The following ZNF718 variants were observed in gnomAD, a reference collection of about 807,000 sequenced individuals.
The protein encoded by ZNF718 is zinc finger protein 718.
ZNF718 carries 3 observed loss-of-function variants against 2.6 expected under a neutral mutation model. That is an observed-to-expected ratio of 1.16 (90% CI 0.53 to 3.01). The LOEUF is 3.01. Ranked by LOEUF, ZNF718 falls within the 30% of genes most tolerant of loss-of-function variation. ZNF718 has a pLI of 0.03. For synonymous variants in ZNF718, 135 were observed against 77.9 expected, an observed-to-expected ratio of 1.73 and a Z score of -3.86; for missense variants, 468 against 230.0, an observed-to-expected ratio of 2.03 and a Z score of -6.69.
chr4:172,918 A>G (rs1553818360), intron 3 of ZNF718, among the ~76,000 whole-genome samples: 3 of 152,014 alleles, frequency 2.0e-5, no homozygotes, highest in Non-Finnish European at 1.5e-5. Context: ...GGTGGGGTGC[A>G]CCTGTAGTCC....
At chr4:159,860 A>G (rs1716747454) in intron 3 of ZNF718, among the ~76,000 whole-genome samples, 1 of 152,210 alleles carries the variant, frequency 6.6e-6, no homozygotes, top group Non-Finnish European at 1.5e-5. Flanking sequence ...TTATTTGAAC[A>G]TGAACTAAAA....
chr4:134,856 C>G (rs1715488886), intron 3 of ZNF718, among the ~76,000 whole-genome samples: 1 of 152,050 alleles, frequency 6.6e-6, no homozygotes, highest in African/African-American at 2.4e-5. Flanking sequence ...GAGGCCAAGG[C>G]TGATAGATCA....
intron 3 of ZNF718, 125 bp from the exon 4 acceptor site, chr4:160,787 A>G: frequency 1.6e-6 from 1 of 619,220 alleles, no homozygotes; most frequent in Non-Finnish European, 2.9e-6. Context: ...TCCTTACCTC[A>G]TTATTTGCCC....
chr4:133,195 A>AATATAT (rs1164522262), intron 3 of ZNF718, among the ~76,000 whole-genome samples: 19 of 20,768 alleles, frequency 9.1e-4, no homozygotes, highest in South Asian at 2.1e-3. Flanking sequence ...AAAAAAAAAA[A>AATATAT]ATATATATAT....
chr4:168,488 T>G (rs1345134856), downstream of ZNF718, among the ~76,000 whole-genome samples: 2 of 152,134 alleles, frequency 1.3e-5, no homozygotes, highest in Admixed American at 6.5e-5. Context: ...TGCTGGACTT[T>G]TTTTTGGTTG....
intron 3 of ZNF718, among the ~76,000 whole-genome samples, chr4:179,184 A>C (rs370638320): frequency 5.3e-5 from 8 of 152,176 alleles, no homozygotes; most frequent in African/African-American, 1.7e-4. Context: ...CTAGTAAAAA[A>C]TTATTTGATA....
rs190289412 is a variant in ZNF718, at chr4:187,204, G to C, written c.227-13877G>C. Among the ~76,000 whole-genome samples the C allele has an allele frequency of 1.5e-3, 230 of 151,662 alleles. 1 individual carries two copies. In the Middle Eastern group the frequency reaches 0.02, roughly 13 times the overall value. On this transcript the variant is annotated intron_variant and NMD_transcript_variant, in intron 3 of 4. Transcript: ENST00000642529. ...CCAGGCTTGGTTTTTTTGTTTTTTTGTTTTTTGGGGTTTTTTTTGTTTTTG... is the reference window on the plus strand; with the variant it reads ...CCAGGCTTGGTTTTTTTGTTTTTTTCTTTTTTGGGGTTTTTTTTGTTTTTG...
At chr4:197,314 G>T (rs1205933251) in intron 3 of ZNF718, among the ~76,000 whole-genome samples, 1 of 151,774 alleles carries the variant, frequency 6.6e-6, no homozygotes, top group African/African-American at 2.4e-5. Flanking sequence ...AGAGGCTTGA[G>T]CCCCATTTTT....
At chr4:182,099 T>A (rs1462920275) in intron 3 of ZNF718, among the ~76,000 whole-genome samples, 6 of 152,210 alleles carry the variant, frequency 3.9e-5, no homozygotes, top group African/African-American at 1.4e-4. Flanking sequence ...ATGTCTTTGC[T>A]ATTATGAGTG....
intron 4 of ZNF718, chr4:201,371 G>A (rs1717895603): frequency 6.6e-6 from 1 of 152,430 alleles, no homozygotes; most frequent in Non-Finnish European, 1.5e-5. Context: ...TTTTATCACA[G>A]TGTTATTTTG....
intron 3 of ZNF718, among the ~76,000 whole-genome samples, chr4:140,361 C>T (rs1553810091): frequency 6.6e-6 from 1 of 152,142 alleles, no homozygotes; most frequent in African/African-American, 2.4e-5. Flanking sequence ...GGTACTAAAC[C>T]CTCCTTGGAA....
intron 3 of ZNF718, among the ~76,000 whole-genome samples, chr4:145,387 C>T (rs1716004839): frequency 6.6e-6 from 1 of 152,052 alleles, no homozygotes; most frequent in Non-Finnish European, 1.5e-5. Flanking sequence ...TTTGTATCTA[C>T]TGCCATTTTT....
chr4:157,460 C>T (rs73075705), intron 3 of ZNF718, among the ~76,000 whole-genome samples: 117,769 of 151,978 alleles, frequency 0.77, 45,968 homozygotes, highest in East Asian at 0.96. Context: ...CATTGTCTCT[C>T]GAAATTTTAT....
intron 3 of ZNF718, among the ~76,000 whole-genome samples, chr4:184,946 A>T (rs1717538232): frequency 6.6e-6 from 1 of 152,106 alleles, no homozygotes; most frequent in South Asian, 2.1e-4. Flanking sequence ...ATTTTTTCAA[A>T]AAAGCTCCTG....
intron 3 of ZNF718, among the ~76,000 whole-genome samples, chr4:200,443 A>T (rs200495716): frequency 6.6e-6 from 1 of 151,996 alleles, no homozygotes; most frequent in Non-Finnish European, 1.5e-5. Context: ...TAATTTTTGT[A>T]TTTTTAGTAG....
chr4:172,914 G>A (rs11248006), intron 3 of ZNF718, among the ~76,000 whole-genome samples: 1 of 151,844 alleles, frequency 6.6e-6, no homozygotes, highest in East Asian at 1.9e-4. Flanking sequence ...CCATGGTGGG[G>A]TGCACCTGTA....
At chr4:200,698 T>G (rs1717881621) in intron 3 of ZNF718, among the ~76,000 whole-genome samples, 1 of 152,226 alleles carries the variant, frequency 6.6e-6, no homozygotes, top group Non-Finnish European at 1.5e-5. Context: ...GGTGCATTTT[T>G]TTTTAATGCA....
At chr4:167,151 A>T (rs1442506187), downstream of ZNF718, among the ~76,000 whole-genome samples, 1 of 152,170 alleles carries the variant, frequency 6.6e-6, no homozygotes, top group Admixed American at 6.5e-5. Flanking sequence ...GTCAAAGATC[A>T]GGTGGTTGTA....
intron 3 of ZNF718, among the ~76,000 whole-genome samples, chr4:135,732 T>TTATATATATATATATATATATATATATA (rs1303050207): frequency 0.019 from 1,460 of 77,302 alleles, 114 homozygotes; most frequent in African/African-American, 0.032. Context: ...TACTCTAGAG[T>TTATATATATATATATATATATATATATA]TATATATATG....
Sources: gnomAD v4.1 joint callset for allele counts (sites outside exome capture counted in the v4.1 genomes callset) on GRCh38, gnomAD v4.1.1 for gene constraint, MANE v1.5 for transcripts, NCBI Gene and HGNC (gene_info 2026-07-23, HGNC 2026-07-21) for gene names.